Variants in CYREN observed in about 807,000 individuals in gnomAD.
CYREN encodes cell cycle regulator of NHEJ.
A neutral mutation model predicts 9.7 loss-of-function variants in CYREN; 7 were observed. The ratio of observed to expected loss-of-function variants is 0.72; its 90% CI spans 0.41 to 1.36. CYREN has a LOEUF of 1.36. Ranked by LOEUF, CYREN falls within the 40% of genes most tolerant of loss-of-function variation. The pLI is 0.01. For missense variants in CYREN, 215 were observed against 198.1 expected, an observed-to-expected ratio of 1.09 and a Z score of -0.51; for synonymous variants, 76 against 77.9, an observed-to-expected ratio of 0.98 and a Z score of 0.13.
At chr7:135,102,399 T>C (rs1027433987) in intron 2 of CYREN, among the ~76,000 whole-genome samples, 6 of 152,156 alleles carry the variant, frequency 3.9e-5, no homozygotes, top group Admixed American at 2.0e-4. Context: ...TCTTAAAAAA[T>C]GTTAATAATA....
chr7:135,109,607 C>A (rs1044941334), intron 2 of CYREN, among the ~76,000 whole-genome samples: 2 of 152,220 alleles, frequency 1.3e-5, no homozygotes, highest in Non-Finnish European at 2.9e-5. Context: ...GGTGGCCCAC[C>A]CCTCCCTCTG....
intron 2 of CYREN, among the ~76,000 whole-genome samples, chr7:135,156,165 T>G (rs1046627789): frequency 2.0e-5 from 3 of 152,222 alleles, no homozygotes; most frequent in African/African-American, 7.2e-5. Flanking sequence ...TCACTTTTGC[T>G]AATTTTAAAA....
intron 2 of CYREN, among the ~76,000 whole-genome samples, chr7:135,145,589 G>A: frequency 6.6e-6 from 1 of 152,186 alleles, no homozygotes; most frequent in African/African-American, 2.4e-5. Context: ...ATTTGATAAA[G>A]ATTTGAGGGT....
intron 2 of CYREN, among the ~76,000 whole-genome samples, chr7:135,107,218 T>G (rs886572051): frequency 2.0e-5 from 3 of 152,166 alleles, no homozygotes; most frequent in African/African-American, 7.2e-5. Context: ...TCTCCTCCAC[T>G]TCAGCTCTGA....
At chr7:135,143,441 T>G (rs1244536188) in intron 2 of CYREN, among the ~76,000 whole-genome samples, 1 of 152,146 alleles carries the variant, frequency 6.6e-6, no homozygotes. Flanking sequence ...CAAATCCAGA[T>G]GCAGACCTTA....
chr7:135,111,193 TC>T, intron 2 of CYREN, among the ~76,000 whole-genome samples: 1 of 41,080 alleles, frequency 2.4e-5, no homozygotes, highest in Non-Finnish European at 6.4e-5. Context: ...TAAATATCCC[TC>T]TGTTTAAGGT....
At chr7:135,114,417 T>G (rs1244927227) in intron 2 of CYREN, among the ~76,000 whole-genome samples, 1 of 152,204 alleles carries the variant, frequency 6.6e-6, no homozygotes, top group Non-Finnish European at 1.5e-5. Flanking sequence ...AGATAAACAT[T>G]TTTTAAAATG....
At chr7:135,167,441 T>C in intron 3 of CYREN, 1 of 1,250,918 alleles carries the variant, frequency 8.0e-7, no homozygotes, top group East Asian at 3.6e-5. Flanking sequence ...AAACGCTTCA[T>C]GTCCCATCCA....
intron 2 of CYREN, among the ~76,000 whole-genome samples, chr7:135,114,914 A>G (rs1297486387): frequency 6.6e-6 from 1 of 152,208 alleles, no homozygotes; most frequent in African/African-American, 2.4e-5. Context: ...ACATGAGCTG[A>G]GTCCATGTTA....
intron 1 of CYREN, 173 bp from the exon 2 acceptor site, chr7:135,169,233 C>G: frequency 4.6e-6 from 1 of 215,834 alleles, no homozygotes; most frequent in Non-Finnish European, 9.2e-6. Flanking sequence ...AGAGAGCCCT[C>G]TGACCTCCCC....
intron 2 of CYREN, among the ~76,000 whole-genome samples, chr7:135,114,928 A>G (rs1826116167): frequency 6.6e-6 from 1 of 152,144 alleles, no homozygotes; most frequent in Non-Finnish European, 1.5e-5. Context: ...CATGTTACCT[A>G]CCTAAATTTA....
intron 2 of CYREN, chr7:135,148,401 T>G: frequency 3.2e-6 from 1 of 311,550 alleles, no homozygotes; most frequent in Non-Finnish European, 6.2e-6. Context: ...GTTCAGTATC[T>G]GTGACCCTCC....
chr7:135,123,598 C>A (rs1443104136), intron 2 of CYREN, among the ~76,000 whole-genome samples: 1 of 152,128 alleles, frequency 6.6e-6, no homozygotes, highest in African/African-American at 2.4e-5. Flanking sequence ...TCTTCAGATT[C>A]TCTAAGGTCA....
chr7:135,134,739 C>A, intron 2 of CYREN: 4 of 1,106,560 alleles, frequency 3.6e-6, no homozygotes, highest in South Asian at 1.8e-5. Context: ...AAGTTATGAA[C>A]TTACTAAAAG....
rs143708624 is a variant in CYREN at position 135,166,727 on chromosome 7, G to A, written c.358C>T (p.Pro120Ser). The A allele has an allele frequency of 6.2e-7, 1 of 1,613,926 alleles. No homozygotes were observed. The highest frequency in any genetic ancestry group is 8.5e-7 in the Non-Finnish European group (1 of 1,180,042). The change falls in exon 4 of 4, where the codon CCA becomes TCA. Residue 120 changes from proline (P) to serine (S), a missense_variant. Transcript: ENST00000393114. ...GGCCTCTGGGAAGGGCTGAGGCCTGGAGCCAGTGCCTGTTTCCCACTGTCC... is the reference window on the plus strand; with the variant it reads ...GGCCTCTGGGAAGGGCTGAGGCCTGAAGCCAGTGCCTGTTTCCCACTGTCC... ...EEDSGKQALAPGLSPSQRPGG... is the reference protein window; with the variant it reads ...EEDSGKQALASGLSPSQRPGG...
intron 2 of CYREN, among the ~76,000 whole-genome samples, chr7:135,125,366 C>A (rs774847829): frequency 2.6e-5 from 4 of 152,038 alleles, no homozygotes; most frequent in Non-Finnish European, 5.9e-5. Context: ...CCTGAATAGA[C>A]CAATAGCAAG....
exon 3 of CYREN, chr7:135,093,558 T>C (rs900086506): frequency 2.0e-5 from 3 of 152,074 alleles, no homozygotes; most frequent in Middle Eastern, 3.2e-3. Flanking sequence ...ACAAAAGAAG[T>C]ACAAGACTTA....
downstream of CYREN, among the ~76,000 whole-genome samples, chr7:135,163,513 C>T (rs1830001317): frequency 1.3e-5 from 2 of 151,970 alleles, no homozygotes; most frequent in Non-Finnish European, 2.9e-5. Context: ...GGCATGGTGG[C>T]GGGTGCCTGT....
At chr7:135,116,754 G>A (rs1826374829) in intron 2 of CYREN, among the ~76,000 whole-genome samples, 1 of 152,168 alleles carries the variant, frequency 6.6e-6, no homozygotes, top group African/African-American at 2.4e-5. Flanking sequence ...TTACATGGGT[G>A]GGAGTGAGGG....
Sources: gnomAD v4.1 joint callset for allele counts (sites outside exome capture counted in the v4.1 genomes callset) on GRCh38, gnomAD v4.1.1 for gene constraint, MANE v1.5 for transcripts, NCBI Gene and HGNC (gene_info 2026-07-23, HGNC 2026-07-21) for gene names.